The following PARD3B variants were observed in gnomAD, a reference collection of about 807,000 sequenced individuals.
PARD3B encodes partitioning defective 3 homolog B.
Under a neutral mutation model 130.2 loss-of-function variants are expected in PARD3B, and 103 were observed. That is an observed-to-expected ratio of 0.79 (90% CI 0.67 to 0.93). The LOEUF is 0.93. Among genes scored for constraint, PARD3B ranks in the 40% least tolerant of loss-of-function variants. PARD3B has a pLI of 0.00. For missense variants in PARD3B, 1,609 were observed against 1,499.2 expected (o/e 1.07, Z -1.21); for synonymous variants, 583 against 553.2 (o/e 1.05, Z -0.76).
chr2:205,235,985 C>T (rs770784494), intron 15 of PARD3B, among the ~76,000 whole-genome samples: 2 of 152,084 alleles, frequency 1.3e-5, no homozygotes, highest in African/African-American at 2.4e-5. Context: ...TAATATAAAA[C>T]AAGACGTGTG....
At chr2:204,605,077 C>T (rs1239812936) in intron 1 of PARD3B, among the ~76,000 whole-genome samples, 1 of 152,114 alleles carries the variant, frequency 6.6e-6, no homozygotes, top group Non-Finnish European at 1.5e-5. Context: ...ACTCTGGGCT[C>T]TTAGGATATG....
chr2:205,552,491 C>T (rs2052691435), intron 21 of PARD3B, among the ~76,000 whole-genome samples: 1 of 152,106 alleles, frequency 6.6e-6, no homozygotes, highest in Non-Finnish European at 1.5e-5. Context: ...TCACTGCAAC[C>T]TCTGCCTCCC....
intron 3 of PARD3B, among the ~76,000 whole-genome samples, chr2:204,990,743 A>C (rs1056100566): frequency 2.0e-5 from 3 of 152,164 alleles, no homozygotes; most frequent in African/African-American, 7.2e-5. Context: ...AATAGAGTCA[A>C]CATTTTTATG....
At chr2:205,427,609 A>T (rs1253882178) in intron 19 of PARD3B, among the ~76,000 whole-genome samples, 5 of 152,212 alleles carry the variant, frequency 3.3e-5, no homozygotes, top group African/African-American at 1.2e-4. Flanking sequence ...GCTTTTTTTA[A>T]AGAAACAAAT....
chr2:204,889,451 G>A (rs1172799645), intron 2 of PARD3B, among the ~76,000 whole-genome samples: 1 of 152,192 alleles, frequency 6.6e-6, no homozygotes, highest in Non-Finnish European at 1.5e-5. Flanking sequence ...AAAATGGAAT[G>A]TGGACCCATT....
At chr2:204,810,516 T>C (rs1053492689) in intron 2 of PARD3B, among the ~76,000 whole-genome samples, 10 of 152,124 alleles carry the variant, frequency 6.6e-5, no homozygotes, top group Non-Finnish European at 1.5e-4. Flanking sequence ...TTGTGCATCA[T>C]TGTGCATCTA....
chr2:205,153,226 T>C (rs1172683586), intron 10 of PARD3B, among the ~76,000 whole-genome samples: 5 of 152,210 alleles, frequency 3.3e-5, no homozygotes, highest in African/African-American at 1.2e-4. Flanking sequence ...GTTAGGCTAC[T>C]TGGGGGTCAG....
intron 2 of PARD3B, among the ~76,000 whole-genome samples, chr2:204,841,394 A>ATGCAGAATTG (rs1559189371): frequency 6.6e-6 from 1 of 152,188 alleles, no homozygotes; most frequent in African/African-American, 2.4e-5. Flanking sequence ...GAACAAGGCA[A>ATGCAGAATTG]AAAATTCCTG....
In PARD3B at chr2:205,029,131, G is replaced by A. The variant is rs144177254; in HGVS notation, c.395-18450G>A. Among the ~76,000 whole-genome samples, 76 of 152,194 alleles carry A rather than the reference G, an allele frequency of 5.0e-4. 2 individuals carry two copies. The East Asian group carries it at 0.014, about 28-fold the overall frequency. ...GTGCCAGGTTGCTAGCCCTATCTCAGTTTCTGACTCATATTTTTGACATCA... is the reference window on the plus strand; with the variant it reads ...GTGCCAGGTTGCTAGCCCTATCTCAATTTCTGACTCATATTTTTGACATCA... On this transcript the variant is annotated intron_variant, in intron 3 of 22. Transcript: ENST00000406610.
intron 22 of PARD3B, among the ~76,000 whole-genome samples, chr2:205,586,607 A>G (rs1483399248): frequency 1.3e-5 from 2 of 151,870 alleles, no homozygotes; most frequent in Non-Finnish European, 2.9e-5. Context: ...ATACAAAATT[A>G]TATACATATT....
At chr2:204,830,907 T>G (rs1464068631) in intron 2 of PARD3B, among the ~76,000 whole-genome samples, 1 of 152,202 alleles carries the variant, frequency 6.6e-6, no homozygotes, top group African/African-American at 2.4e-5. Flanking sequence ...ATTTTCTGAT[T>G]TAGATTTGGT....
intron 18 of PARD3B, among the ~76,000 whole-genome samples, chr2:205,334,080 T>G (rs1019656338): frequency 6.6e-6 from 1 of 152,160 alleles, no homozygotes; most frequent in African/African-American, 2.4e-5. Context: ...AGTGGTCTCT[T>G]GTGGAAATAT....
chr2:204,782,995 T>C (rs2041890605), intron 2 of PARD3B, among the ~76,000 whole-genome samples: 1 of 152,178 alleles, frequency 6.6e-6, no homozygotes, highest in South Asian at 2.1e-4. Flanking sequence ...TCCTTGAAAA[T>C]TTCTGTTCTA....
At chr2:205,613,954 G>C (rs1028676248) in intron 22 of PARD3B, among the ~76,000 whole-genome samples, 3 of 152,186 alleles carry the variant, frequency 2.0e-5, no homozygotes, top group African/African-American at 7.2e-5. Context: ...TTTCTTTCAA[G>C]TGTCCTAGCA....
chr2:205,523,014 C>G (rs2051150199), intron 21 of PARD3B, among the ~76,000 whole-genome samples: 1 of 151,258 alleles, frequency 6.6e-6, no homozygotes, highest in Non-Finnish European at 1.5e-5. Flanking sequence ...TTCAGTATCC[C>G]TTTTTTCTTA....
In PARD3B at chr2:205,478,033, C is replaced by G. The variant is rs1417279246; in HGVS notation, c.3045-21863C>G. ...AAGGAGAGGTTTAATTGGGGAAGCC[C>G]CACTCCACTTCATCCAACCTTCTAC... On this transcript the variant is annotated intron_variant, in intron 20 of 22. Transcript: ENST00000406610. Among the ~76,000 whole-genome samples, 9 of 152,164 alleles carry G rather than the reference C, an allele frequency of 5.9e-5. No individual in the cohort carries two copies. In the East Asian group the frequency reaches 1.5e-3, roughly 26 times the overall value.
intron 22 of PARD3B, among the ~76,000 whole-genome samples, chr2:205,600,148 T>C (rs2054727598): frequency 6.6e-6 from 1 of 152,218 alleles, no homozygotes; most frequent in South Asian, 2.1e-4. Context: ...GAAAAGGGAT[T>C]TGAGCCTAAA....
At chr2:205,596,243 C>G (rs79229528) in intron 22 of PARD3B, among the ~76,000 whole-genome samples, 1,550 of 152,304 alleles carry the variant, frequency 0.01, 8 homozygotes, top group Middle Eastern at 0.02. Flanking sequence ...CACAAGTCAT[C>G]AATACCTAAG....
At position 205,300,108 on chromosome 2, in the gene PARD3B, G is replaced by C. The variant is rs1390632841; in HGVS notation, c.2186-422G>C. Among the ~76,000 whole-genome samples, 1 of 152,166 alleles carries C rather than the reference G, an allele frequency of 6.6e-6. No homozygotes were observed. The highest frequency in any genetic ancestry group is 1.5e-5 in the Non-Finnish European group (1 of 68,026). The stretch of plus-strand genomic sequence containing the variant: ...TGGAAGAGAAGCTCTCGTCATGTTA[G>C]GTGCTTGGTATGTTTGTGTGTGTGT... On this transcript the variant is annotated intron_variant, in intron 16 of 22. Transcript: ENST00000406610. The surrounding 1 kb of genome is among the most constrained non-coding windows in gnomAD (Gnocchi z 4.1).
Sources: gnomAD v4.1 joint callset for allele counts (sites outside exome capture counted in the v4.1 genomes callset) on GRCh38, gnomAD v4.1.1 for gene constraint, Gnocchi (gnomAD v3.1) non-coding constraint, MANE v1.5 for transcripts, NCBI Gene and HGNC (gene_info 2026-07-23, HGNC 2026-07-21) for gene names.